Variants in CEP85L observed in about 807,000 individuals in gnomAD.
CEP85L encodes centrosomal protein of 85 kDa-like.
In CEP85L, 60 loss-of-function variants were observed where a neutral mutation model predicts 100.3. That is an observed-to-expected ratio of 0.60 (90% CI 0.49 to 0.74). The LOEUF (loss-of-function observed/expected upper bound fraction) is 0.74, where lower values mean the gene tolerates loss of function less well. Among genes scored for constraint, CEP85L ranks in the 30% least tolerant of loss-of-function variants. CEP85L has a pLI of 0.00. For synonymous variants in CEP85L, 319 were observed against 322.7 expected (o/e 0.99, Z 0.12); for missense variants, 973 against 936.2 (o/e 1.04, Z -0.51).
intron 1 of CEP85L, among the ~76,000 whole-genome samples, chr6:118,674,684 G>T (rs922169108): frequency 6.6e-6 from 1 of 152,134 alleles, no homozygotes; most frequent in African/African-American, 2.4e-5. Flanking sequence ...GAAGATATAC[G>T]CATGACCATA....
intron 1 of CEP85L, among the ~76,000 whole-genome samples, chr6:118,701,489 T>G (rs990666815): frequency 6.6e-6 from 1 of 152,180 alleles, no homozygotes; most frequent in Non-Finnish European, 1.5e-5. Flanking sequence ...TGGATGCAGT[T>G]TATGGTCATT....
chr6:118,644,742 T>C (rs899525244), intron 1 of CEP85L, among the ~76,000 whole-genome samples: 48 of 152,148 alleles, frequency 3.2e-4, no homozygotes, highest in African/African-American at 1.0e-3. Flanking sequence ...CTCATGTATA[T>C]ACCAAATCCA....
intron 3 of CEP85L, among the ~76,000 whole-genome samples, chr6:118,563,215 A>G (rs1030159082): frequency 6.6e-6 from 1 of 152,200 alleles, no homozygotes; most frequent in Non-Finnish European, 1.5e-5. Flanking sequence ...TCAGAGTACT[A>G]CACTCCTGCA....
intron 10 of CEP85L, among the ~76,000 whole-genome samples, chr6:118,478,709 A>G (rs1300239803): frequency 1.3e-5 from 2 of 152,160 alleles, no homozygotes; most frequent in Non-Finnish European, 2.9e-5. Context: ...AGTAACAAAG[A>G]ACAGTATGGC....
At chr6:118,666,782 CAG>C (rs1276923330) in intron 1 of CEP85L, among the ~76,000 whole-genome samples, 3 of 150,680 alleles carry the variant, frequency 2.0e-5, no homozygotes, top group Admixed American at 6.6e-5. Flanking sequence ...AAAAAGGAAA[CAG>C]GGGCAGCTAC....
intron 2 of CEP85L, among the ~76,000 whole-genome samples, chr6:118,617,066 T>C (rs1299953737): frequency 1.3e-5 from 2 of 152,028 alleles, no homozygotes; most frequent in Non-Finnish European, 2.9e-5. Context: ...TTAAAAATAG[T>C]AAAACCTTGC....
intron 2 of CEP85L, among the ~76,000 whole-genome samples, chr6:118,600,360 TGTGTGTGTGTAA>T (rs1337228468): frequency 8.1e-5 from 11 of 136,032 alleles, no homozygotes; most frequent in Non-Finnish European, 1.1e-4. Context: ...TGTGTGTGTG[TGTGTGTGTGTAA>T]CGCCATGGAG....
intron 2 of CEP85L, among the ~76,000 whole-genome samples, chr6:118,628,329 G>A (rs770063960): frequency 1.7e-4 from 26 of 152,120 alleles, no homozygotes; most frequent in Middle Eastern, 3.4e-3. Context: ...AAGAACAGAC[G>A]GATAATGTAA....
At chr6:118,681,118 T>G (rs1776644006) in intron 1 of CEP85L, among the ~76,000 whole-genome samples, 1 of 152,240 alleles carries the variant, frequency 6.6e-6, no homozygotes, top group South Asian at 2.1e-4. Flanking sequence ...TGCCAGCTTT[T>G]TACCAGTAAT....
chr6:118,558,864 A>T, intron 3 of CEP85L: 2 of 1,384,420 alleles, frequency 1.4e-6, no homozygotes, highest in South Asian at 2.3e-5. Flanking sequence ...TTTGGCTGCC[A>T]GCTTTTTATC....
At chr6:118,636,751 C>A (rs1224532718) in intron 1 of CEP85L, among the ~76,000 whole-genome samples, 1 of 152,162 alleles carries the variant, frequency 6.6e-6, no homozygotes, top group Non-Finnish European at 1.5e-5. Flanking sequence ...TGGCTTTTTC[C>A]TACCTTCAAG....
intron 1 of CEP85L, among the ~76,000 whole-genome samples, chr6:118,704,416 G>A (rs1777525867): frequency 6.6e-6 from 1 of 152,138 alleles, no homozygotes; most frequent in African/African-American, 2.4e-5. Context: ...CCTTGCCTCA[G>A]GTGCACCCTG....
At chr6:118,653,795 A>C (rs941827838), upstream of CEP85L, among the ~76,000 whole-genome samples, 3 of 152,006 alleles carry the variant, frequency 2.0e-5, no homozygotes, top group Non-Finnish European at 4.4e-5. Flanking sequence ...CATTGCTCAG[A>C]TGAAATTAGG....
chr6:118,580,055 G>C (rs561480234), intron 2 of CEP85L, among the ~76,000 whole-genome samples: 1 of 152,102 alleles, frequency 6.6e-6, no homozygotes. Flanking sequence ...GACATACCTG[G>C]TCAACCCAAT....
chr6:118,593,913 T>C (rs558060478), intron 2 of CEP85L, among the ~76,000 whole-genome samples: 9 of 152,210 alleles, frequency 5.9e-5, no homozygotes, highest in African/African-American at 2.2e-4. Flanking sequence ...CAGCCTAGAC[T>C]ACTCTCCTCC....
chr6:118,649,854 G>C (rs996986428), intron 1 of CEP85L, among the ~76,000 whole-genome samples: 1 of 152,024 alleles, frequency 6.6e-6, no homozygotes, highest in Non-Finnish European at 1.5e-5. Flanking sequence ...AGTGTTTCAG[G>C]ACCAAACTTA....
At chr6:118,641,209 T>G (rs2115351346) in intron 1 of CEP85L, among the ~76,000 whole-genome samples, 1 of 152,338 alleles carries the variant, frequency 6.6e-6, no homozygotes, top group Admixed American at 6.5e-5. Flanking sequence ...CTTAATATCT[T>G]ACTAGCATGT....
At chr6:118,570,247 T>C (rs938989232) in intron 2 of CEP85L, among the ~76,000 whole-genome samples, 4 of 152,202 alleles carry the variant, frequency 2.6e-5, no homozygotes, top group Admixed American at 1.3e-4. Context: ...TTCCAAGGAA[T>C]ATAACTTGAC....
chr6:118,684,342 A>C (rs1776761019), intron 1 of CEP85L, among the ~76,000 whole-genome samples: 1 of 152,120 alleles, frequency 6.6e-6, no homozygotes, highest in Non-Finnish European at 1.5e-5. Context: ...CTCTACAAAA[A>C]ATTTAAAGCA....
Sources: allele counts gnomAD v4.1 joint callset (sites outside exome capture counted in the v4.1 genomes callset), GRCh38; gene constraint gnomAD v4.1.1; transcripts MANE v1.5; gene names NCBI Gene and HGNC (gene_info 2026-07-23, HGNC 2026-07-21).